ALPK2: variants seen among roughly 807,000 people sequenced by gnomAD.
ALPK2 encodes alpha kinase 2.
A neutral mutation model predicts 163.1 loss-of-function variants in ALPK2; 127 were observed. The observed-to-expected ratio is 0.78, with a 90% CI of 0.67 to 0.90. The LOEUF is 0.90. ALPK2 is among the 40% of genes least tolerant of loss of function. ALPK2 has a pLI of 0.00. For missense variants in ALPK2, 2,360 were observed against 2,589.6 expected (o/e 0.91, Z 1.92); for synonymous variants, 953 against 959.1 (o/e 0.99, Z 0.12).
chr18:58,490,012 A>T (rs10747224), intron 12 of ALPK2, among the ~76,000 whole-genome samples: 23,719 of 151,928 alleles, frequency 0.16, 1,994 homozygotes, highest in East Asian at 0.38. Flanking sequence ...ATGAGGTTGC[A>T]GTGAGCCAGG....
intron 2 of ALPK2, among the ~76,000 whole-genome samples, chr18:58,610,477 T>C (rs946774725): frequency 1.3e-5 from 2 of 152,200 alleles, no homozygotes; most frequent in African/African-American, 4.8e-5. Context: ...CCTTTTACCA[T>C]TGGGAGTACC....
rs577540208 is a variant in ALPK2, at chr18:58,619,083, T to C, written c.-20-7266A>G. Among the ~76,000 whole-genome samples the C allele has an allele frequency of 1.6e-3, 247 of 152,338 alleles. 2 individuals carry two copies. Among genetic ancestry groups the C allele is most frequent in the African/African-American group, 5.6e-3 (232 of 41,572 alleles). On this transcript the variant is annotated intron_variant, in intron 1 of 12. Transcript: ENST00000361673. ...GGACACCGCACCCTCTGTCACCTAA[T>C]ACCCAGTCCCGTGTTAGTTAGGGAA... is the stretch of plus-strand genomic sequence containing the variant.
In ALPK2 at chr18:58,481,301, G is replaced by A. The variant is rs1249068179; in HGVS notation, c.*522C>T. 2 of 156,524 alleles carry A rather than the reference G, an allele frequency of 1.3e-5. No homozygotes were observed. Among genetic ancestry groups the A allele is most frequent in the African/African-American group, 4.8e-5 (2 of 41,456 alleles). The allele number at this position is 156,524 out of a possible 1,614,324, so 9.7% of individuals were successfully genotyped here. A position where few individuals can be genotyped will look rare whatever the true frequency, so the allele number is the denominator to read the frequency against. ...AGAAAATTGTAACTGGCTGTTGAAT[G>A]ATGGGAAATGGCTTCACGTCACAGA... On this transcript the variant is annotated 3_prime_UTR_variant, in exon 13 of 13. Coordinates refer to ENST00000361673, the MANE Select transcript of ALPK2 (RefSeq NM_052947.4).
At position 58,504,084 on chromosome 18, in the gene ALPK2, C is replaced by T. The variant is rs2051447769; in HGVS notation, c.6094G>A (p.Glu2032Lys). The change falls in exon 11 of 13, where the codon GAG becomes AAG. Residue 2032 changes from glutamate to lysine, a missense_variant. Transcript: ENST00000361673. ...TACTTCACAAATTCTCCAATCAGCT[C>T]CTCCTCCACTGTAGCATACGGGATA... The part of the protein sequence containing the change: ...NNIPYATVEE[E>K]LIGEFVKYSI... 1 of 1,614,170 alleles carries T rather than the reference C, an allele frequency of 6.2e-7. No homozygotes were observed. Among genetic ancestry groups the T allele is most frequent in the Admixed American group, 1.7e-5 (1 of 60,026 alleles).
At chr18:58,499,575 G>T (rs534034980) in intron 11 of ALPK2, among the ~76,000 whole-genome samples, 52 of 152,326 alleles carry the variant, frequency 3.4e-4, no homozygotes, top group Admixed American at 1.5e-3. Flanking sequence ...TAGGGTGAGG[G>T]TTATGGGCAC....
At position 58,481,739 on chromosome 18, in the gene ALPK2, G is replaced by C. The variant is rs1243656641; in HGVS notation, c.*84C>G. On this transcript the variant is annotated 3_prime_UTR_variant, in exon 13 of 13. Transcript: ENST00000361673. Reference sequence around the variant, plus strand: ...GATTGCCACGCACTCTCTGCAGGCTGTATATTCTCTCCTGTGTGGCCTCAG... The same window carrying C: ...GATTGCCACGCACTCTCTGCAGGCTCTATATTCTCTCCTGTGTGGCCTCAG... 1.8e-6 allele frequency: 2 copies of C among 1,135,914 alleles called. No homozygotes were observed. Among genetic ancestry groups the C allele is most frequent in the African/African-American group, 3.1e-5 (2 of 64,608 alleles). 70.4% of individuals were successfully genotyped at this position (1,135,914 alleles called of 1,614,324 possible).
At chr18:58,500,779 T>TAA in intron 11 of ALPK2, among the ~76,000 whole-genome samples, 1 of 145,198 alleles carries the variant, frequency 6.9e-6, no homozygotes, top group East Asian at 2.0e-4. Flanking sequence ...ACAAAAAAAT[T>TAA]AAAAAAAAAA....
At chr18:58,514,779 A>T (rs963953843) in intron 10 of ALPK2, among the ~76,000 whole-genome samples, 1 of 149,512 alleles carries the variant, frequency 6.7e-6, no homozygotes, top group African/African-American at 2.5e-5. Context: ...AAGAATATTT[A>T]TCTTCTTAAA....
At chr18:58,611,294 G>A (rs11659911) in intron 2 of ALPK2, among the ~76,000 whole-genome samples, 69 of 5,098 alleles carry the variant, frequency 0.014, 3 homozygotes, top group Middle Eastern at 0.056. Context: ...AAAAAAAAAA[G>A]TCAATTAAAG....
intron 3 of ALPK2, among the ~76,000 whole-genome samples, chr18:58,595,960 C>A (rs754114824): frequency 6.6e-6 from 1 of 152,116 alleles, no homozygotes; most frequent in Non-Finnish European, 1.5e-5. Flanking sequence ...GTGACTCCAA[C>A]GTTTCCATCA....
At chr18:58,573,234 G>GTATATA (rs1568089287) in intron 4 of ALPK2, among the ~76,000 whole-genome samples, 3,870 of 112,986 alleles carry the variant, frequency 0.034, 938 homozygotes, top group African/African-American at 0.057. Context: ...GTGTATATGT[G>GTATATA]TGTATATATG....
In ALPK2 at chr18:58,515,020, G is replaced by C. The variant is rs2051513818; in HGVS notation, c.6002C>G (p.Pro2001Arg). 6 of 1,613,028 alleles carry C rather than the reference G, an allele frequency of 3.7e-6. No homozygotes were observed. The highest frequency in any genetic ancestry group is 5.1e-6 in the Non-Finnish European group (6 of 1,179,432). The change falls in exon 10 of 13, where the codon CCT (proline) becomes CGT (arginine). Residue 2001 changes from proline to arginine, a missense_variant. Coordinates refer to ENST00000361673, the MANE Select transcript of ALPK2 (RefSeq NM_052947.4). ...AGGTACTTCTCCAAAGCCTTCCAGA[G>C]GCTGTGCTTCAGCAGCGTAGATCTT... ...YAKIYAAEAQ[P>R]LEGFGEVPEI...
intron 4 of ALPK2, among the ~76,000 whole-genome samples, chr18:58,571,693 A>G (rs1239044947): frequency 1.3e-5 from 2 of 152,154 alleles, no homozygotes; most frequent in Non-Finnish European, 2.9e-5. Context: ...AAAGAAGATA[A>G]AAAGACAAAT....
At chr18:58,593,636 G>C (rs2052026944) in intron 3 of ALPK2, among the ~76,000 whole-genome samples, 1 of 150,076 alleles carries the variant, frequency 6.7e-6, no homozygotes, top group Non-Finnish European at 1.5e-5. Flanking sequence ...CCAGCACTTT[G>C]GGAGGCCAAG....
intron 4 of ALPK2, among the ~76,000 whole-genome samples, chr18:58,542,025 G>A (rs892746903): frequency 2.0e-5 from 3 of 152,170 alleles, no homozygotes; most frequent in Admixed American, 2.0e-4. Flanking sequence ...CTGAAACTTC[G>A]AGTGAGTGCT....
chr18:58,606,519 G>A (rs2052098389), intron 3 of ALPK2, among the ~76,000 whole-genome samples: 1 of 152,214 alleles, frequency 6.6e-6, no homozygotes, highest in South Asian at 2.1e-4. Context: ...ATGAAATTGA[G>A]TTTCAGAGAG....
rs543205785 is a variant in ALPK2 at position 58,572,642 on chromosome 18, A to G, written c.1962+6172T>C. 1.9e-3 allele frequency among the ~76,000 whole-genome samples: 291 copies of G among 152,316 alleles called. 3 individuals carry two copies. The highest frequency in any genetic ancestry group is 4.4e-3 in the Admixed American group (68 of 15,288). ...ACTTGTATACTGTATGATTCCATTT[A>G]TGTAACATGTTTGAAATGACAAAAT... On this transcript the variant is annotated intron_variant, in intron 4 of 12. Transcript: ENST00000361673.
At chr18:58,611,569 A>G in intron 2 of ALPK2, 120 bp downstream of exon 2, 4 of 883,718 alleles carry the variant, frequency 4.5e-6, no homozygotes, top group Non-Finnish European at 7.3e-6. Context: ...TTGATTACAC[A>G]GAAAAAAAAA....
At chr18:58,499,229 A>G (rs2051418811) in intron 11 of ALPK2, among the ~76,000 whole-genome samples, 2 of 152,198 alleles carry the variant, frequency 1.3e-5, no homozygotes, top group African/African-American at 4.8e-5. Flanking sequence ...GGTTCAGCAA[A>G]AAGCAATAGG....
Sources: allele counts gnomAD v4.1 joint callset (sites outside exome capture counted in the v4.1 genomes callset), GRCh38; gene constraint gnomAD v4.1.1; transcripts MANE v1.5; gene names NCBI Gene and HGNC (gene_info 2026-07-23, HGNC 2026-07-21).